The following ZNF362 variants were observed in gnomAD, a reference collection of about 807,000 sequenced individuals.
ZNF362 encodes rotund homolog.
ZNF362 carries 11 observed loss-of-function variants against 42.9 expected under a neutral mutation model. That is an observed-to-expected ratio of 0.26 (90% CI 0.16 to 0.42). ZNF362 has a LOEUF of 0.42. Ranked by LOEUF, ZNF362 falls within the 20% of genes least tolerant of loss-of-function variation. The pLI is 1.00. For missense variants in ZNF362, 362 were observed against 576.2 expected, an observed-to-expected ratio of 0.63 and a Z score of 3.81; for synonymous variants, 255 against 257.3, an observed-to-expected ratio of 0.99 and a Z score of 0.09.
At chr1:33,229,468 A>G in the ZNF362 span, among the ~76,000 whole-genome samples, 102,199 of 149,092 alleles carry the variant, frequency 0.69, 35,431 homozygotes, top group Non-Finnish European at 0.74. Context: ...GTGTAGTGGC[A>G]TGATCTCAGC....
the ZNF362 span, among the ~76,000 whole-genome samples, chr1:33,197,373 C>G: frequency 1.1e-4 from 16 of 152,276 alleles, no homozygotes; most frequent in Middle Eastern, 3.4e-3. Context: ...ATACATATAT[C>G]CTATTAGTTC....
At chr1:33,212,907 T>G in the ZNF362 span, among the ~76,000 whole-genome samples, 2 of 152,356 alleles carry the variant, frequency 1.3e-5, no homozygotes, top group East Asian at 3.9e-4. Context: ...AAATGTTTAT[T>G]GCTGCCTTAT....
the ZNF362 span, among the ~76,000 whole-genome samples, chr1:33,191,084 A>G: frequency 6.6e-6 from 1 of 151,960 alleles, no homozygotes; most frequent in Non-Finnish European, 1.5e-5. Flanking sequence ...TCCACTTCTT[A>G]TTTTGTTTCA....
chr1:33,259,036 C>T (rs1217440660), intron 1 of ZNF362, among the ~76,000 whole-genome samples: 1 of 152,150 alleles, frequency 6.6e-6, no homozygotes, highest in Non-Finnish European at 1.5e-5. Flanking sequence ...GTGTAAACAT[C>T]CAGAGGCCCA....
At chr1:33,263,428 T>G (rs1262808996) in intron 1 of ZNF362, among the ~76,000 whole-genome samples, 2 of 151,856 alleles carry the variant, frequency 1.3e-5, no homozygotes, top group African/African-American at 4.8e-5. Flanking sequence ...TTTTTTTTTT[T>G]GAGATGGAGT....
At chr1:33,216,599 C>CAAA in the ZNF362 span, among the ~76,000 whole-genome samples, 6 of 71,886 alleles carry the variant, frequency 8.3e-5, no homozygotes, top group South Asian at 5.4e-4. Context: ...GACTCTGTCT[C>CAAA]AAAAAAAAAA....
the ZNF362 span, among the ~76,000 whole-genome samples, chr1:33,244,874 G>A: frequency 3.3e-5 from 5 of 152,182 alleles, no homozygotes; most frequent in African/African-American, 9.7e-5. This position sits in a 1 kb window ranked among gnomAD's most constrained non-coding sequence, Gnocchi z 4.0. Context: ...GGGTTTAATC[G>A]CTGGGATTTT....
At chr1:33,251,036 TGAAA>T in the ZNF362 span, among the ~76,000 whole-genome samples, 6 of 152,094 alleles carry the variant, frequency 3.9e-5, no homozygotes, top group Non-Finnish European at 8.8e-5. Flanking sequence ...AGAGAGGAGC[TGAAA>T]GAAGTATTTC....
the ZNF362 span, among the ~76,000 whole-genome samples, chr1:33,138,316 G>C: frequency 6.6e-6 from 1 of 152,124 alleles, no homozygotes; most frequent in East Asian, 1.9e-4. Flanking sequence ...AAAAAAACAG[G>C]TTATGGAACA....
At chr1:33,251,436 C>T in the ZNF362 span, among the ~76,000 whole-genome samples, 1 of 152,202 alleles carries the variant, frequency 6.6e-6, no homozygotes, top group Admixed American at 6.5e-5. Flanking sequence ...CTGTAGGACT[C>T]TGAAAGTCTC....
the ZNF362 span, among the ~76,000 whole-genome samples, chr1:33,148,605 A>G: frequency 2.0e-5 from 3 of 152,242 alleles, no homozygotes; most frequent in Admixed American, 2.0e-4. Context: ...ACATGTTGAC[A>G]TACAAAATAT....
chr1:33,179,986 G>GTT, the ZNF362 span, among the ~76,000 whole-genome samples: 2 of 152,088 alleles, frequency 1.3e-5, no homozygotes, highest in Non-Finnish European at 2.9e-5. Context: ...CAGTTCTAAT[G>GTT]TTTTTGTTTG....
chr1:33,250,862 G>GAAGAAGAAGAAA, the ZNF362 span, among the ~76,000 whole-genome samples: 1 of 145,770 alleles, frequency 6.9e-6, no homozygotes, highest in African/African-American at 2.6e-5. Context: ...GGAAGAAGAA[G>GAAGAAGAAGAAA]AAGAAGAAGA....
upstream of ZNF362, among the ~76,000 whole-genome samples, chr1:33,255,402 C>T (rs1275563457): frequency 2.6e-5 from 4 of 152,202 alleles, no homozygotes; most frequent in Non-Finnish European, 5.9e-5. Flanking sequence ...GAGGGCAGGG[C>T]CAGCCCTGAT....
the ZNF362 span, among the ~76,000 whole-genome samples, chr1:33,144,457 G>A: frequency 6.6e-6 from 1 of 152,190 alleles, no homozygotes; most frequent in Non-Finnish European, 1.5e-5. Flanking sequence ...TTACTTCTGA[G>A]CAAGTGTGAT....
intron 8 of ZNF362, among the ~76,000 whole-genome samples, chr1:33,298,493 C>T (rs1056758922): frequency 6.6e-6 from 1 of 152,202 alleles, no homozygotes; most frequent in African/African-American, 2.4e-5. Context: ...GAAACTGAGG[C>T]TCAGAGAGAC....
the ZNF362 span, among the ~76,000 whole-genome samples, chr1:33,172,637 T>A: frequency 3.3e-5 from 5 of 152,114 alleles, no homozygotes; most frequent in Non-Finnish European, 5.9e-5. Flanking sequence ...AGCACACAGT[T>A]ATGCAAATAT....
At chr1:33,155,182 C>G in the ZNF362 span, among the ~76,000 whole-genome samples, 1 of 151,222 alleles carries the variant, frequency 6.6e-6, no homozygotes. Flanking sequence ...AGCCATTCTC[C>G]CACCTCAGCC....
the ZNF362 span, among the ~76,000 whole-genome samples, chr1:33,138,163 A>G: frequency 2.0e-5 from 3 of 152,108 alleles, no homozygotes; most frequent in African/African-American, 7.2e-5. Flanking sequence ...CTGGAGCAAG[A>G]GCGTTCTGGG....
Sources: allele counts gnomAD v4.1 joint callset (sites outside exome capture counted in the v4.1 genomes callset), GRCh38; gene constraint gnomAD v4.1.1; non-coding constraint Gnocchi (gnomAD v3.1); transcripts MANE v1.5; gene names NCBI Gene and HGNC (gene_info 2026-07-23, HGNC 2026-07-21).